The following BORCS5 variants were observed in gnomAD, a reference collection of about 807,000 sequenced individuals.
BORCS5 encodes BLOC-1 related complex subunit 5.
In BORCS5, 17 loss-of-function variants were observed where a neutral mutation model predicts 22.1. That is an observed-to-expected ratio of 0.77 (90% CI 0.53 to 1.15). BORCS5 has a LOEUF of 1.15. Among genes scored for constraint, BORCS5 ranks in the 50% most tolerant of loss-of-function variants. BORCS5 has a pLI of 0.00. For missense variants in BORCS5, 247 were observed against 253.2 expected, an observed-to-expected ratio of 0.98 and a Z score of 0.17; for synonymous variants, 117 against 99.8, an observed-to-expected ratio of 1.17 and a Z score of -1.03.
intron 2 of BORCS5, among the ~76,000 whole-genome samples, chr12:12,382,501 C>T (rs1180919665): frequency 6.7e-6 from 1 of 149,214 alleles, no homozygotes; most frequent in Non-Finnish European, 1.5e-5. Context: ...TATCACTATT[C>T]TGTCTTTCTT....
chr12:12,400,352 C>T (rs1000440058), intron 2 of BORCS5, among the ~76,000 whole-genome samples: 3 of 152,106 alleles, frequency 2.0e-5, no homozygotes, highest in South Asian at 4.1e-4. Context: ...CGGTCAACCA[C>T]ATGACAAAAG....
chr12:12,396,674 A>G (rs1249318885), intron 2 of BORCS5, among the ~76,000 whole-genome samples: 1 of 152,126 alleles, frequency 6.6e-6, no homozygotes, highest in Non-Finnish European at 1.5e-5. Context: ...TTTTTCTGTT[A>G]ATGTCAAGGA....
At chr12:12,377,734 G>T (rs1247558119) in intron 2 of BORCS5, among the ~76,000 whole-genome samples, 1 of 152,162 alleles carries the variant, frequency 6.6e-6, no homozygotes, top group African/African-American at 2.4e-5. Context: ...CAGGGGATCA[G>T]TAGCTCTTGA....
chr12:12,402,943 G>A (rs1941510470), intron 2 of BORCS5, among the ~76,000 whole-genome samples: 1 of 152,102 alleles, frequency 6.6e-6, no homozygotes, highest in African/African-American at 2.4e-5. Context: ...TTTTATACTT[G>A]GTGCCCAGAA....
chr12:12,357,420 G>A lies in BORCS5; in HGVS notation c.-32G>A, dbSNP rs1298031973. On this transcript the variant is annotated 5_prime_UTR_variant, in exon 1 of 4. Coordinates refer to ENST00000314565, the MANE Select transcript of BORCS5 (RefSeq NM_058169.6). ...CGCCGGAGCGGTGACCGCCCGGCCCGCCGTTCTTCTGCTGCCACCGCTGTC... is the reference window on the plus strand; with the variant it reads ...CGCCGGAGCGGTGACCGCCCGGCCCACCGTTCTTCTGCTGCCACCGCTGTC... 3 of 1,599,496 alleles carry A rather than the reference G, an allele frequency of 1.9e-6. No individual in the cohort carries two copies. The highest frequency in any genetic ancestry group is 1.3e-5 in the African/African-American group (1 of 74,510).
At chr12:12,465,399 A>C (rs1943181839) in intron 3 of BORCS5, 147 bp from the exon 4 acceptor site, 1 of 664,236 alleles carries the variant, frequency 1.5e-6, no homozygotes, top group African/African-American at 1.8e-5. Context: ...GTGTCCCTGA[A>C]GGGCTTTTTA....
intron 2 of BORCS5, among the ~76,000 whole-genome samples, chr12:12,391,440 C>T (rs1049061023): frequency 3.3e-5 from 5 of 151,538 alleles, no homozygotes; most frequent in Non-Finnish European, 7.4e-5. Context: ...GGCTGGAGTG[C>T]AGTGGCATGA....
chr12:12,457,622 A>G (rs943166307), intron 3 of BORCS5, among the ~76,000 whole-genome samples: 2 of 152,202 alleles, frequency 1.3e-5, no homozygotes, highest in Non-Finnish European at 2.9e-5. Flanking sequence ...GTGAGCCGAG[A>G]TCGCGCCACT....
chr12:12,377,908 AGC>A (rs1863690716), intron 2 of BORCS5, among the ~76,000 whole-genome samples: 1 of 152,234 alleles, frequency 6.6e-6, no homozygotes, highest in Admixed American at 6.5e-5. Flanking sequence ...CTGAATTTAA[AGC>A]ATACATTTAG....
intron 2 of BORCS5, among the ~76,000 whole-genome samples, chr12:12,427,054 A>G (rs1942303329): frequency 6.6e-6 from 1 of 152,168 alleles, no homozygotes; most frequent in Non-Finnish European, 1.5e-5. Context: ...AAATGTTCTG[A>G]AGGAATCAGC....
At chr12:12,454,803 A>T (rs912394109) in intron 3 of BORCS5, among the ~76,000 whole-genome samples, 2 of 152,162 alleles carry the variant, frequency 1.3e-5, no homozygotes, top group East Asian at 1.9e-4. Context: ...ATATTATCTC[A>T]TTATAACCAT....
intron 3 of BORCS5, among the ~76,000 whole-genome samples, chr12:12,457,441 G>A (rs1331448287): frequency 1.3e-5 from 2 of 152,298 alleles, no homozygotes; most frequent in Non-Finnish European, 2.9e-5. Context: ...AGGCCGAGGC[G>A]GGCGGATCAC....
chr12:12,373,815 G>A (rs961323134), intron 2 of BORCS5, among the ~76,000 whole-genome samples: 42 of 152,164 alleles, frequency 2.8e-4, no homozygotes, highest in African/African-American at 9.6e-4. Context: ...TATCATATTA[G>A]TAACACTGGC....
rs549228307 is a variant in BORCS5 at position 12,374,131 on chromosome 12, G to A, written c.202+12782G>A. On this transcript the variant is annotated intron_variant, in intron 2 of 3. Transcript: ENST00000314565. ...GCCTCCCGAGTAGCTGGGACTACAG[G>A]TGCCCGCCACCACGTCTGGCTAATT... is the stretch of plus-strand genomic sequence containing the variant. 5.3e-5 allele frequency among the ~76,000 whole-genome samples: 8 copies of A among 151,586 alleles called. No individual in the cohort carries two copies. The South Asian group carries it at 8.3e-4, about 16-fold the overall frequency.
chr12:12,379,555 A>G (rs1241944239), intron 2 of BORCS5, among the ~76,000 whole-genome samples: 1 of 151,586 alleles, frequency 6.6e-6, no homozygotes, highest in Non-Finnish European at 1.5e-5. Flanking sequence ...GGATGTCAAC[A>G]GAAAGAATTT....
intron 2 of BORCS5, among the ~76,000 whole-genome samples, chr12:12,389,124 A>G (rs1863944544): frequency 4.8e-5 from 7 of 146,072 alleles, no homozygotes; most frequent in Admixed American, 4.2e-4. Flanking sequence ...CTAGGTCCTT[A>G]CAAGTAAGTA....
Position 12,357,412 on chromosome 12 carries a change from C to T in BORCS5, c.-40C>T, listed in dbSNP as rs745530757. 2 of 1,596,156 alleles carry T rather than the reference C, an allele frequency of 1.3e-6. No homozygotes were observed. Among genetic ancestry groups the T allele is most frequent in the Non-Finnish European group, 1.7e-6 (2 of 1,168,398 alleles). On this transcript the variant is annotated 5_prime_UTR_variant, in exon 1 of 4. Coordinates refer to ENST00000314565, the MANE Select transcript of BORCS5 (RefSeq NM_058169.6). ...TCGCCCGCCGCCGGAGCGGTGACCG[C>T]CCGGCCCGCCGTTCTTCTGCTGCCA...
intron 3 of BORCS5, among the ~76,000 whole-genome samples, chr12:12,436,241 G>A (rs776750967): frequency 1.3e-5 from 2 of 152,104 alleles, no homozygotes; most frequent in Non-Finnish European, 2.9e-5. Context: ...GCTTTGATAC[G>A]AAAAGCTCCA....
At chr12:12,430,483 G>T (rs1210692552) in intron 2 of BORCS5, among the ~76,000 whole-genome samples, 1 of 152,108 alleles carries the variant, frequency 6.6e-6, no homozygotes, top group Non-Finnish European at 1.5e-5. Context: ...TCGGCCATAT[G>T]AACTTTGGTG....
Sources: allele counts gnomAD v4.1 joint callset (sites outside exome capture counted in the v4.1 genomes callset), GRCh38; gene constraint gnomAD v4.1.1; transcripts MANE v1.5; gene names NCBI Gene and HGNC (gene_info 2026-07-23, HGNC 2026-07-21).